The following GSAP variants were observed in gnomAD, a reference collection of about 807,000 sequenced individuals.
The protein encoded by GSAP is gamma-secretase-activating protein.
A neutral mutation model predicts 131.7 loss-of-function variants in GSAP; 118 were observed. The observed-to-expected ratio is 0.90, with a 90% CI of 0.77 to 1.04. The LOEUF (loss-of-function observed/expected upper bound fraction) is 1.04. Among genes scored for constraint, GSAP ranks in the 50% least tolerant of loss-of-function variants. The pLI, the probability that GSAP is intolerant of heterozygous loss-of-function variation, is 0.00. For missense variants in GSAP, 1,019 were observed against 1,013.2 expected (o/e 1.01, Z -0.08); for synonymous variants, 381 against 363.4 (o/e 1.05, Z -0.55).
chr7:77,384,512 A>C (rs1317096399), intron 6 of GSAP, among the ~76,000 whole-genome samples: 3 of 151,796 alleles, frequency 2.0e-5, no homozygotes, highest in African/African-American at 7.3e-5. Context: ...TACTTTGAAA[A>C]ATTTATCTTC....
chr7:77,355,435 CAAA>C lies in GSAP; in HGVS notation c.1121-8_1121-6del, dbSNP rs35161141. On this transcript the variant is annotated splice_polypyrimidine_tract_variant and splice_region_variant and intron_variant, in intron 15 of 30. Coordinates refer to ENST00000257626, the MANE Select transcript of GSAP (RefSeq NM_017439.4). ...TATCAATCATTTCATTATTTCCTGG[CAAA>C]AAAAAAAAAAACAGTAGATCAGCAA... 308 of 1,335,232 alleles carry C rather than the reference CAAA, an allele frequency of 2.3e-4. No homozygotes were observed. The highest frequency in any genetic ancestry group is 2.8e-4 in the Non-Finnish European group (270 of 965,918). 82.7% of individuals were successfully genotyped at this position (1,335,232 alleles called of 1,614,324 possible). A position where few individuals can be genotyped will look rare whatever the true frequency, so the allele number is the denominator to read the frequency against.
Position 77,387,270 on chromosome 7 carries a change from A to G in GSAP, c.456+90T>C. On this transcript the variant is annotated intron_variant, in intron 6 of 30. Coordinates refer to ENST00000257626, the MANE Select transcript of GSAP (RefSeq NM_017439.4). ...AAGACTGTTCTGAGGATTAAATATG[A>G]TAGAGTGAAAGTACTTTGTAAACCC... 4.1e-6 allele frequency: 3 copies of G among 726,640 alleles called. No homozygotes were observed. The South Asian group carries it at 4.8e-5, about 12-fold the overall frequency. The allele number at this position is 726,640 out of a possible 1,614,324, so 45.0% of individuals were successfully genotyped here.
rs1000364891 is a variant in GSAP, at chr7:77,397,196, T to C, written c.313+150A>G. 4 of 687,276 alleles carry C rather than the reference T, an allele frequency of 5.8e-6. No individual in the cohort carries two copies. The Admixed American group carries it at 8.7e-5, about 15-fold the overall frequency. 42.6% of individuals were successfully genotyped at this position (687,276 alleles called of 1,614,324 possible). The stretch of plus-strand genomic sequence containing the variant: ...CTTTTTTGTAGGTATATCCTCTACA[T>C]TCTTTATTTCAAACTTAACTTCTCA... On this transcript the variant is annotated intron_variant, in intron 4 of 30. Transcript: ENST00000257626.
intron 5 of GSAP, among the ~76,000 whole-genome samples, chr7:77,388,491 G>T (rs1798914079): frequency 6.6e-6 from 1 of 152,068 alleles, no homozygotes; most frequent in African/African-American, 2.4e-5. Context: ...CAATCAGGAG[G>T]AAGTCCATGG....
intron 26 of GSAP, among the ~76,000 whole-genome samples, chr7:77,317,891 T>C (rs1453777573): frequency 6.6e-6 from 1 of 152,210 alleles, no homozygotes; most frequent in Admixed American, 6.5e-5. Flanking sequence ...TCATATTCCA[T>C]TGGGATAATT....
At chr7:77,326,478 AG>A (rs1788348299) in intron 22 of GSAP, 1 of 479,722 alleles carries the variant, frequency 2.1e-6, no homozygotes, top group Non-Finnish European at 3.7e-6. Context: ...CGAGAAAGAA[AG>A]AAACCAACAC....
intron 12 of GSAP, among the ~76,000 whole-genome samples, chr7:77,367,137 G>A (rs1164895902): frequency 6.6e-6 from 1 of 152,156 alleles, no homozygotes; most frequent in African/African-American, 2.4e-5. Flanking sequence ...GAGACTATGG[G>A]GTTTTCTACA....
chr7:77,314,652 T>C (rs1794775717), intron 26 of GSAP, 163 bp from the exon 27 acceptor site: 1 of 661,808 alleles, frequency 1.5e-6, no homozygotes, highest in Non-Finnish European at 2.5e-6. Context: ...TCTGTATTAT[T>C]CGTAACTAAA....
intron 19 of GSAP, among the ~76,000 whole-genome samples, chr7:77,346,330 C>G (rs1022623270): frequency 1.5e-5 from 2 of 135,748 alleles, no homozygotes; most frequent in African/African-American, 5.6e-5. Flanking sequence ...TTATTTCTAA[C>G]AGCAAAAAGA....
chr7:77,330,156 C>A (rs1788886085), intron 20 of GSAP, 83 bp downstream of exon 20: 2 of 1,472,062 alleles, frequency 1.4e-6, no homozygotes, highest in Non-Finnish European at 1.8e-6. Flanking sequence ...CACATGGAAG[C>A]CAGCCTTATG....
In GSAP at chr7:77,375,073, C is replaced by T; in HGVS notation, c.770G>A (p.Ser257Asn). ...MFEVPLDISL[S>N]NSGFKLVNFG... The stretch of plus-strand genomic sequence containing the variant: ...AATAACTTACTTAAATCCTGAGTTG[C>T]TTAATGATATGTCCAAGGGTACTTC... Residue 257 changes from serine (S) to asparagine (N), a missense_variant, in exon 11 of 31, where the codon AGC becomes AAC. Ser to Asn is a conservative substitution (Grantham distance 46, BLOSUM62 1). Coordinates refer to ENST00000257626, the MANE Select transcript of GSAP (RefSeq NM_017439.4). The T allele has an allele frequency of 6.5e-7, 1 of 1,548,094 alleles. No homozygotes were observed. The highest frequency in any genetic ancestry group is 8.9e-7 in the Non-Finnish European group (1 of 1,127,368).
chr7:77,355,096 C>T (rs1372313687), intron 16 of GSAP, 117 bp downstream of exon 16: 4 of 672,304 alleles, frequency 5.9e-6, no homozygotes, highest in African/African-American at 5.4e-5. Context: ...GCAGCAAGGC[C>T]ACACACCTCA....
intron 12 of GSAP, among the ~76,000 whole-genome samples, chr7:77,370,009 TA>T (rs1336075306): frequency 6.6e-6 from 1 of 152,198 alleles, no homozygotes; most frequent in African/African-American, 2.4e-5. Flanking sequence ...TTATGTCAGA[TA>T]AACCTAACAT....
chr7:77,381,244 T>C, intron 8 of GSAP, 61 bp downstream of exon 8: 1 of 821,764 alleles, frequency 1.2e-6, no homozygotes, highest in Non-Finnish European at 2.0e-6. Context: ...AGCAGTCTAG[T>C]AATGTACTTC....
chr7:77,339,367 T>G lies in GSAP; in HGVS notation c.1546-9000A>C, dbSNP rs990289026. On this transcript the variant is annotated intron_variant, in intron 19 of 30. Transcript: ENST00000257626. ...GATTAGAGTCTCCCATGCTGAGCAT[T>G]TGGGGTAGGTGGAGTTGGTCAAACA... is the stretch of plus-strand genomic sequence containing the variant. Among the ~76,000 whole-genome samples, 4 of 152,204 alleles carry G rather than the reference T, an allele frequency of 2.6e-5. No homozygotes were observed. The South Asian group carries it at 8.3e-4, about 32-fold the overall frequency.
intron 6 of GSAP, 29 bp downstream of exon 6, chr7:77,387,326 AATGAG>A: frequency 1.9e-6 from 2 of 1,051,266 alleles, no homozygotes; most frequent in Non-Finnish European, 3.0e-6. Flanking sequence ...CCTTTTGATT[AATGAG>A]ATAAGTGATA....
rs117257861 is a variant in GSAP at position 77,374,371 on chromosome 7, C to T, written c.786-216G>A. Among the ~76,000 whole-genome samples the T allele has an allele frequency of 2.3e-4, 35 of 152,218 alleles. No homozygotes were observed. In the East Asian group the frequency reaches 5.6e-3, roughly 24 times the overall value. ...GCCTGATAACAAGGAAAAAATATTACTTTCATCTTACATTTTTATAACTTT... is the reference window on the plus strand; with the variant it reads ...GCCTGATAACAAGGAAAAAATATTATTTTCATCTTACATTTTTATAACTTT... On this transcript the variant is annotated intron_variant, in intron 11 of 30. Transcript: ENST00000257626.
At chr7:77,396,304 A>C (rs1563113063) in intron 5 of GSAP, among the ~76,000 whole-genome samples, 1 of 152,156 alleles carries the variant, frequency 6.6e-6, no homozygotes, top group African/African-American at 2.4e-5. Context: ...TCTTACATTC[A>C]ATCTGCTTCA....
At chr7:77,354,496 C>A (rs1793362453) in intron 16 of GSAP, among the ~76,000 whole-genome samples, 1 of 152,018 alleles carries the variant, frequency 6.6e-6, no homozygotes, top group Non-Finnish European at 1.5e-5. Context: ...ATTACTATAT[C>A]CTTAGAAATA....
Sources: gnomAD v4.1 joint callset for allele counts (sites outside exome capture counted in the v4.1 genomes callset) on GRCh38, gnomAD v4.1.1 for gene constraint, MANE v1.5 for transcripts, NCBI Gene and HGNC (gene_info 2026-07-23, HGNC 2026-07-21) for gene names.